Variants in DDC observed in about 807,000 individuals in gnomAD.
DDC encodes aromatic-L-amino-acid decarboxylase.
DDC carries 43 observed loss-of-function variants against 60.0 expected under a neutral mutation model. The ratio of observed to expected loss-of-function variants is 0.72; its 90% CI spans 0.56 to 0.92. The LOEUF (loss-of-function observed/expected upper bound fraction) is 0.92, where lower values mean the gene tolerates loss of function less well. Ranked by LOEUF, DDC falls within the 40% of genes least tolerant of loss-of-function variation. The probability of loss-of-function intolerance (pLI) is 0.00; values close to 1 mark genes in which losing one functional copy is unlikely to be tolerated. For synonymous variants in DDC, 232 were observed against 234.6 expected, an observed-to-expected ratio of 0.99 and a Z score of 0.10; for missense variants, 573 against 620.2, an observed-to-expected ratio of 0.92 and a Z score of 0.81.
chr7:50,462,425 G>A (rs2042298374), intron 14 of DDC, among the ~76,000 whole-genome samples: 1 of 152,124 alleles, frequency 6.6e-6, no homozygotes, highest in Non-Finnish European at 1.5e-5. Context: ...TTAACTGCAT[G>A]CTGTCTCCAG....
chr7:50,519,162 CA>C (rs2043819740), intron 6 of DDC, among the ~76,000 whole-genome samples: 1 of 152,132 alleles, frequency 6.6e-6, no homozygotes, highest in African/African-American at 2.4e-5. Context: ...CACTAATAAT[CA>C]GGGAAATGCA....
chr7:50,476,573 C>T (rs773692679), intron 11 of DDC, 51 bp downstream of exon 11: 4 of 1,380,936 alleles, frequency 2.9e-6, no homozygotes, highest in African/African-American at 5.9e-5. Flanking sequence ...TGTGGCGTAG[C>T]CCCCCAGCAC....
chr7:50,477,537 C>T (rs2042673037), intron 10 of DDC: 1 of 456,734 alleles, frequency 2.2e-6, no homozygotes, highest in Admixed American at 2.3e-5. Flanking sequence ...CTAATACAAC[C>T]CACGCCCCAC....
rs1563009168 is a variant in DDC, at chr7:50,503,990, T to A, written c.781+3A>T. The A allele has an allele frequency of 6.2e-7, 1 of 1,611,084 alleles. No individual in the cohort carries two copies. Among genetic ancestry groups the A allele is most frequent in the Non-Finnish European group, 8.5e-7 (1 of 1,177,286 alleles). ...CAAAAAGAAAATGGAATCGGATACT[T>A]ACAGATAGGACCGACTTCTAAGAGA... On this transcript the variant is annotated splice_donor_region_variant and intron_variant, in intron 7 of 14. Coordinates refer to ENST00000444124, the MANE Select transcript of DDC (RefSeq NM_001082971.2).
chr7:50,499,245 A>G lies in DDC; in HGVS notation c.782-3T>C, dbSNP rs779977517. 9.9e-6 allele frequency: 16 copies of G among 1,610,344 alleles called. No homozygotes were observed. The South Asian group carries it at 1.2e-4, about 12-fold the overall frequency. On this transcript the variant is annotated splice_polypyrimidine_tract_variant and splice_region_variant and intron_variant, in intron 7 of 14. Coordinates refer to ENST00000444124, the MANE Select transcript of DDC (RefSeq NM_001082971.2). ...CAGCCATATGTCTTCCTTGTTGCCT[A>G]AAGTTCAGAATCAACTTGTGAGTCC... is the stretch of plus-strand genomic sequence containing the variant.
chr7:50,536,072 A>G (rs2044399649), intron 4 of DDC, among the ~76,000 whole-genome samples: 1 of 152,194 alleles, frequency 6.6e-6, no homozygotes. Context: ...AGAGATAGCT[A>G]CTAAGATAAA....
intron 6 of DDC, among the ~76,000 whole-genome samples, chr7:50,521,871 A>G (rs1211432674): frequency 1.3e-5 from 2 of 152,178 alleles, no homozygotes; most frequent in African/African-American, 4.8e-5. Context: ...AAGATCAGGA[A>G]TGAGGCAAGG....
At chr7:50,564,992 A>G (rs2153555195) in intron 1 of DDC, among the ~76,000 whole-genome samples, 1 of 152,310 alleles carries the variant, frequency 6.6e-6, no homozygotes, top group Admixed American at 6.5e-5. Context: ...CATGGAAAAA[A>G]TAGAATCACA....
At chr7:50,468,401 G>A (rs1196776408) in intron 12 of DDC, among the ~76,000 whole-genome samples, 1 of 152,208 alleles carries the variant, frequency 6.6e-6, no homozygotes, top group Non-Finnish European at 1.5e-5. Flanking sequence ...TCATCATTGT[G>A]GGGAGATAAA....
At chr7:50,486,395 G>GA (rs1255669269) in intron 9 of DDC, among the ~76,000 whole-genome samples, 2 of 152,088 alleles carry the variant, frequency 1.3e-5, no homozygotes, top group Middle Eastern at 3.2e-3. Flanking sequence ...AGAAAATGAG[G>GA]AAAAAACAGG....
Position 50,458,464 on chromosome 7 carries a change from G to A in DDC, c.*398C>T, listed in dbSNP as rs2042173001. Reference sequence around the variant, plus strand: ...GTATTTCACTTGAATTGTTTATTAGGCATTTAGCCACATGACAAAAGACAA... The same window carrying A: ...GTATTTCACTTGAATTGTTTATTAGACATTTAGCCACATGACAAAAGACAA... On this transcript the variant is annotated 3_prime_UTR_variant, in exon 15 of 15. Coordinates refer to ENST00000444124, the MANE Select transcript of DDC (RefSeq NM_001082971.2). 1.3e-5 allele frequency: 2 copies of A among 152,156 alleles called. No homozygotes were observed. Among genetic ancestry groups the A allele is most frequent in the African/African-American group, 4.8e-5 (2 of 41,420 alleles). 9.4% of individuals were successfully genotyped at this position (152,156 alleles called of 1,614,324 possible). A position where few individuals can be genotyped will look rare whatever the true frequency, so the allele number is the denominator to read the frequency against.
At chr7:50,477,177 T>C (rs1244871715) in intron 10 of DDC, among the ~76,000 whole-genome samples, 4 of 152,304 alleles carry the variant, frequency 2.6e-5, no homozygotes, top group East Asian at 3.9e-4. Flanking sequence ...CCAGGAATCA[T>C]TGGCTCCACA....
At chr7:50,492,925 C>T (rs779300754) in intron 9 of DDC, 4 of 1,597,526 alleles carry the variant, frequency 2.5e-6, no homozygotes, top group East Asian at 2.2e-5. Flanking sequence ...CTCCACGTCC[C>T]GAAAGGCTCA....
chr7:50,536,808 A>G (rs1328674058), intron 4 of DDC, among the ~76,000 whole-genome samples: 2 of 152,242 alleles, frequency 1.3e-5, no homozygotes, highest in Admixed American at 6.5e-5. Context: ...CACACTGGCC[A>G]TGTGCTCTGC....
At chr7:50,512,472 G>C (rs1275096230) in intron 6 of DDC, among the ~76,000 whole-genome samples, 1 of 152,184 alleles carries the variant, frequency 6.6e-6, no homozygotes, top group African/African-American at 2.4e-5. Context: ...GGTTGGACAG[G>C]AAAATACAGT....
intron 13 of DDC, among the ~76,000 whole-genome samples, chr7:50,465,486 C>T (rs1262063684): frequency 6.6e-6 from 1 of 151,948 alleles, no homozygotes; most frequent in African/African-American, 2.4e-5. Flanking sequence ...GTTCTCCTGC[C>T]TCAGCCTCCC....
chr7:50,541,613 C>T (rs1021123632), intron 2 of DDC, among the ~76,000 whole-genome samples: 7 of 152,140 alleles, frequency 4.6e-5, no homozygotes, highest in East Asian at 1.9e-4. Flanking sequence ...ACTGGGAAGA[C>T]GGCTGTCTGT....
intron 1 of DDC, among the ~76,000 whole-genome samples, chr7:50,556,759 G>A (rs906140155): frequency 2.0e-5 from 3 of 152,318 alleles, no homozygotes; most frequent in South Asian, 2.1e-4. Context: ...CCTCCTTGGC[G>A]AGATTGGTCT....
chr7:50,511,969 G>T (rs150074885), intron 6 of DDC, among the ~76,000 whole-genome samples: 8 of 151,800 alleles, frequency 5.3e-5, no homozygotes, highest in Non-Finnish European at 1.0e-4. Context: ...AGGGTAATGG[G>T]TGCACCAAAA....
Sources: allele counts gnomAD v4.1 joint callset (sites outside exome capture counted in the v4.1 genomes callset), GRCh38; gene constraint gnomAD v4.1.1; transcripts MANE v1.5; gene names NCBI Gene and HGNC (gene_info 2026-07-23, HGNC 2026-07-21).